Variants in ZNF443 observed in about 807,000 individuals in gnomAD.
ZNF443 encodes Kruppel-type zinc finger (C2H2).
Under a neutral mutation model 12.0 loss-of-function variants are expected in ZNF443, and 3 were observed. The observed-to-expected ratio is 0.25, with a 90% CI of 0.11 to 0.64. The LOEUF is 0.64. ZNF443 is among the 30% of genes least tolerant of loss of function. The probability of loss-of-function intolerance (pLI) is 0.84; values close to 1 mark genes in which losing one functional copy is unlikely to be tolerated. For missense variants in ZNF443, 770 were observed against 808.8 expected (o/e 0.95, Z 0.58); for synonymous variants, 225 against 265.9 (o/e 0.85, Z 1.50).
At chr19:12,437,267 G>A (rs997478571) in intron 1 of ZNF443, among the ~76,000 whole-genome samples, 1 of 151,818 alleles carries the variant, frequency 6.6e-6, no homozygotes, top group African/African-American at 2.4e-5. Context: ...AATTAGCCAG[G>A]TGTGGTGGCC....
Position 12,436,767 on chromosome 19 carries a change from ACACACACAC to A in ZNF443, c.4-3579_4-3571del, listed in dbSNP as rs1970314073. Among the ~76,000 whole-genome samples, 14 of 152,052 alleles carry A rather than the reference ACACACACAC, an allele frequency of 9.2e-5. 1 individual carries two copies. Among genetic ancestry groups the A allele is most frequent in the African/African-American group, 3.4e-4 (14 of 41,464 alleles). On this transcript the variant is annotated intron_variant, in intron 1 of 3. Transcript: ENST00000301547. ...TCAGATCATACACACACACACACAC[ACACACACAC>A]ACACACAAATATACACATATGCATA...
At position 12,440,999 on chromosome 19, in the gene ZNF443, C is replaced by A. The variant is rs917229523; in HGVS notation, c.-85G>T. The stretch of plus-strand genomic sequence containing the variant: ...CAGCCAGACAAAGGCTGCCTCAGAA[C>A]TTCCAGGTCGTCTCTCAGCTACAGA... On this transcript the variant is annotated 5_prime_UTR_variant, in exon 1 of 4. Coordinates refer to ENST00000301547, the MANE Select transcript of ZNF443 (RefSeq NM_005815.5). 1.2e-6 allele frequency: 2 copies of A among 1,610,034 alleles called. No homozygotes were observed. Among genetic ancestry groups the A allele is most frequent in the African/African-American group, 2.7e-5 (2 of 74,904 alleles).
rs146026096 is a variant in ZNF443 at position 12,431,318 on chromosome 19, T to C, written c.854A>G (p.Gln285Arg). ...GGAATCAGGGAAGGCTTTAGAACAC[T>C]GCTTACATTTATATGGTTTCTCCCC... ...HTGEKPYKCK[Q>R]CSKAFPDSSS... Residue 285 changes from glutamine to arginine, a missense_variant, in exon 4 of 4, where the codon CAG (glutamine) becomes CGG (arginine). Transcript: ENST00000301547. 1.7e-5 allele frequency: 28 copies of C among 1,614,168 alleles called. No individual in the cohort carries two copies. The Admixed American group carries it at 2.3e-4, about 13-fold the overall frequency.
chr19:12,440,655 A>AC (rs1970355558), intron 1 of ZNF443, among the ~76,000 whole-genome samples: 1 of 151,990 alleles, frequency 6.6e-6, no homozygotes, highest in African/African-American at 2.4e-5. Flanking sequence ...ATCTGGGGAG[A>AC]CCCGGGGCTG....
chr19:12,439,856 G>C (rs1970346885), intron 1 of ZNF443, among the ~76,000 whole-genome samples: 1 of 152,078 alleles, frequency 6.6e-6, no homozygotes, highest in Non-Finnish European at 1.5e-5. Context: ...TGACAAACTA[G>C]TGAAATATCG....
intron 1 of ZNF443, among the ~76,000 whole-genome samples, chr19:12,437,207 A>G (rs1200763788): frequency 6.6e-6 from 1 of 152,006 alleles, no homozygotes. Context: ...TCAGCAACAC[A>G]ATGAGACTGT....
Position 12,431,867 on chromosome 19 carries a change from G to A in ZNF443, c.305C>T (p.Pro102Leu). 1 of 1,614,048 alleles carries A rather than the reference G, an allele frequency of 6.2e-7. No homozygotes were observed. The highest frequency in any genetic ancestry group is 8.5e-7 in the Non-Finnish European group (1 of 1,179,996). ...TTCTCCTCTCATACTGCTTTCACAA[G>A]GACCTACTCCAGGAAGAGTGTTCTT... ...VTKNTLPGVG[P>L]CESSMRGEKV... Residue 102 changes from proline (P) to leucine (L), a missense_variant, in exon 4 of 4, where the codon CCT becomes CTT. Around this residue, in one of 3 missense-constraint regions of ZNF443, gnomAD observed 736 missense variants for 689.4 expected, o/e 1.07. Transcript: ENST00000301547.
In ZNF443 at chr19:12,441,001, T is replaced by C. The variant is rs1197452570; in HGVS notation, c.-87A>G. On this transcript the variant is annotated 5_prime_UTR_variant, in exon 1 of 4. Coordinates refer to ENST00000301547, the MANE Select transcript of ZNF443 (RefSeq NM_005815.5). ...GCCAGACAAAGGCTGCCTCAGAACT[T>C]CCAGGTCGTCTCTCAGCTACAGAAC... is the stretch of plus-strand genomic sequence containing the variant. The C allele has an allele frequency of 6.2e-7, 1 of 1,609,570 alleles. No individual in the cohort carries two copies. Among genetic ancestry groups the C allele is most frequent in the Non-Finnish European group, 8.5e-7 (1 of 1,177,538 alleles).
In ZNF443 at chr19:12,440,990, G is replaced by A; in HGVS notation, c.-76C>T. Reference sequence around the variant, plus strand: ...TGCGTGTTCCAGCCAGACAAAGGCTGCCTCAGAACTTCCAGGTCGTCTCTC... The same window carrying A: ...TGCGTGTTCCAGCCAGACAAAGGCTACCTCAGAACTTCCAGGTCGTCTCTC... On this transcript the variant is annotated 5_prime_UTR_variant, in exon 1 of 4. Coordinates refer to ENST00000301547, the MANE Select transcript of ZNF443 (RefSeq NM_005815.5). The A allele has an allele frequency of 6.2e-7, 1 of 1,612,148 alleles. No homozygotes were observed. The highest frequency in any genetic ancestry group is 8.5e-7 in the Non-Finnish European group (1 of 1,178,870).
chr19:12,435,495 A>G (rs2910985), intron 1 of ZNF443, among the ~76,000 whole-genome samples: 91 of 152,330 alleles, frequency 6.0e-4, no homozygotes, highest in Non-Finnish European at 8.8e-4. Flanking sequence ...CAGGTATCCT[A>G]GGGAATTGAG....
Position 12,430,488 on chromosome 19 carries a change from A to G in ZNF443, c.1684T>C (p.Cys562Arg), listed in dbSNP as rs763213945. The G allele has an allele frequency of 6.8e-6, 11 of 1,614,072 alleles. 1 individual carries two copies. The highest frequency in any genetic ancestry group is 1.6e-4 in the Middle Eastern group (1 of 6,084). Residue 562 changes from cysteine (C) to arginine (R), a missense_variant, in exon 4 of 4, where the codon TGT becomes CGT. This residue lies in a region of ZNF443 where 736 missense variants were observed against 689.4 expected (regional missense o/e 1.07). Coordinates refer to ENST00000301547, the MANE Select transcript of ZNF443 (RefSeq NM_005815.5). ...GAGAATGCTTTCCCACATTCCTTAC[A>G]TTCATACGGCTTCTCTCCAGAGTGA... ...RIHSGEKPYE[C>R]KECGKAFSWL...
chr19:12,429,953 G>A lies in ZNF443; in HGVS notation c.*203C>T. 1 of 740,662 alleles carries A rather than the reference G, an allele frequency of 1.4e-6. No homozygotes were observed. Among genetic ancestry groups the A allele is most frequent in the Non-Finnish European group, 2.2e-6 (1 of 456,608 alleles). 45.9% of individuals were successfully genotyped at this position (740,662 alleles called of 1,614,324 possible). A position where few individuals can be genotyped will look rare whatever the true frequency, so the allele number is the denominator to read the frequency against. On this transcript the variant is annotated 3_prime_UTR_variant, in exon 4 of 4. Coordinates refer to ENST00000301547, the MANE Select transcript of ZNF443 (RefSeq NM_005815.5). ...TACAAACATGTCATTTTATAAAAGG[G>A]ACTGGACATGGCTCACGGAGTGCTG...
chr19:12,433,331 T>A, intron 1 of ZNF443, 134 bp from the exon 2 acceptor site: 1 of 1,449,084 alleles, frequency 6.9e-7, no homozygotes, highest in East Asian at 2.5e-5. Context: ...CCCACTCTTA[T>A]TCTCTGTCTA....
In ZNF443 at chr19:12,431,065, T is replaced by C. The variant is rs753037061; in HGVS notation, c.1107A>G (p.Ile369Met). ...HTGNGPHKCK[I>M]CGKGFDCPSS... ...TAGGACAATCAAAGCCTTTCCCACA[T>C]ATCTTACATTTATGAGGTCCATTTC... The change falls in exon 4 of 4, where the codon ATA becomes ATG. Residue 369 changes from isoleucine to methionine, a missense_variant. By Grantham distance (10) the Ile-to-Met change is conservative. Transcript: ENST00000301547. The C allele has an allele frequency of 5.0e-6, 8 of 1,613,654 alleles. No individual in the cohort carries two copies. Among genetic ancestry groups the C allele is most frequent in the Non-Finnish European group, 6.8e-6 (8 of 1,179,888 alleles).
At position 12,430,306 on chromosome 19, in the gene ZNF443, C is replaced by T; in HGVS notation, c.1866G>A (p.Gly622=). 6.2e-7 allele frequency: 1 copy of T among 1,613,394 alleles called. No homozygotes were observed. The highest frequency in any genetic ancestry group is 8.5e-7 in the Non-Finnish European group (1 of 1,179,788). ...GENPYECKEC[G]KAFASLSSLH... ...AGGAACTGAGAGAAGCAAATGCTTT[C>T]CCACATTCCTTACATTCATACGGGT... Residue 622 remains glycine, a synonymous_variant, in exon 4 of 4, where the codon GGG becomes GGA. Coordinates refer to ENST00000301547, the MANE Select transcript of ZNF443 (RefSeq NM_005815.5).
chr19:12,436,797 G>A (rs1461537298), intron 1 of ZNF443, among the ~76,000 whole-genome samples: 2 of 150,022 alleles, frequency 1.3e-5, no homozygotes, highest in Admixed American at 6.6e-5. Context: ...ATACACATAT[G>A]CATATATATG....
intron 1 of ZNF443, among the ~76,000 whole-genome samples, chr19:12,440,048 C>T (rs1970348980): frequency 6.6e-6 from 1 of 151,912 alleles, no homozygotes; most frequent in Non-Finnish European, 1.5e-5. Context: ...AAACGGTCGC[C>T]CTTGGAAAGG....
At chr19:12,440,882 C>T (rs762735619) in intron 1 of ZNF443, 30 bp downstream of exon 1, 2 of 1,613,884 alleles carry the variant, frequency 1.2e-6, no homozygotes, top group African/African-American at 1.3e-5. Context: ...ACCCCTCCCC[C>T]GCCTCGGGAC....
intron 1 of ZNF443, among the ~76,000 whole-genome samples, chr19:12,434,759 C>T (rs931734761): frequency 6.6e-6 from 1 of 151,808 alleles, no homozygotes; most frequent in African/African-American, 2.4e-5. Context: ...AGAAAAGTCT[C>T]GTAGAGTTTT....
Sources: allele counts gnomAD v4.1 joint callset (sites outside exome capture counted in the v4.1 genomes callset), GRCh38; gene constraint gnomAD v4.1.1; regional missense constraint gnomAD v4.1.1; transcripts MANE v1.5; gene names NCBI Gene and HGNC (gene_info 2026-07-23, HGNC 2026-07-21).